The following RALA variants were observed in gnomAD, a reference collection of about 807,000 sequenced individuals.
RALA encodes the protein RAS like proto-oncogene A.
Under a neutral mutation model 24.0 loss-of-function variants are expected in RALA, and 5 were observed. That is an observed-to-expected ratio of 0.21 (90% CI 0.11 to 0.44). The LOEUF is 0.44. Among genes scored for constraint, RALA ranks in the 20% least tolerant of loss-of-function variants. RALA has a pLI of 0.99. For synonymous variants in RALA, 77 were observed against 83.8 expected, an observed-to-expected ratio of 0.92 and a Z score of 0.44; for missense variants, 95 against 241.2, an observed-to-expected ratio of 0.39 and a Z score of 4.01.
At chr7:39,697,125 C>T (rs1792935153) in intron 4 of RALA, among the ~76,000 whole-genome samples, 1 of 151,958 alleles carries the variant, frequency 6.6e-6, no homozygotes, top group South Asian at 2.1e-4. Flanking sequence ...GACTTTTTTC[C>T]CCCCTTATCC....
rs1793142713 is a variant in RALA, at chr7:39,707,627, G to GGGCTA, written c.*1385_*1389dup. The GGGCTA allele has an allele frequency of 1.3e-5, 2 of 152,298 alleles. No individual in the cohort carries two copies. The highest frequency in any genetic ancestry group is 4.2e-4 in the South Asian group (2 of 4,816). 9.4% of individuals were successfully genotyped at this position (152,298 alleles called of 1,614,324 possible). On this transcript the variant is annotated 3_prime_UTR_variant, in exon 5 of 5. Transcript: ENST00000005257. The stretch of plus-strand genomic sequence containing the variant: ...TTTTTTTTTTTTCCTCTTTGCAGTG[G>GGGCTA]GGCTAGGACAGTTGATTCAACAAAG...
intron 1 of RALA, among the ~76,000 whole-genome samples, chr7:39,676,297 G>A (rs773624456): frequency 6.6e-6 from 1 of 152,256 alleles, no homozygotes; most frequent in Admixed American, 6.5e-5. Context: ...TTAATGCACC[G>A]TTCAGATCAG....
At chr7:39,704,176 AAAG>A (rs1793076186) in intron 4 of RALA, among the ~76,000 whole-genome samples, 1 of 144,296 alleles carries the variant, frequency 6.9e-6, no homozygotes, top group Non-Finnish European at 1.6e-5. Context: ...AAAAAAAAAA[AAAG>A]AAGTTTAAGA....
At chr7:39,629,683 C>T (rs1391023191) in intron 1 of RALA, among the ~76,000 whole-genome samples, 2 of 152,162 alleles carry the variant, frequency 1.3e-5, no homozygotes, top group Non-Finnish European at 2.9e-5. Context: ...GCAACCTCTG[C>T]CTCCTAGGTT....
At chr7:39,696,909 C>G in intron 4 of RALA, 50 bp downstream of exon 4, 4 of 1,516,038 alleles carry the variant, frequency 2.6e-6, no homozygotes, top group Non-Finnish European at 3.6e-6. Context: ...GGTTGGTTTG[C>G]TTTAACTTGG....
intron 1 of RALA, among the ~76,000 whole-genome samples, chr7:39,628,034 G>T (rs796980285): frequency 7.5e-5 from 11 of 147,132 alleles, no homozygotes; most frequent in African/African-American, 2.3e-4. Flanking sequence ...ATGATCTTTT[G>T]TTCTACCAAT....
At chr7:39,696,632 T>G in intron 3 of RALA, 53 bp from the exon 4 acceptor site, 4 of 1,431,652 alleles carry the variant, frequency 2.8e-6, no homozygotes, top group Non-Finnish European at 3.8e-6. Flanking sequence ...AACAAGAACT[T>G]TCTGTGCTAT....
intron 4 of RALA, chr7:39,697,513 A>T: frequency 2.2e-6 from 1 of 454,222 alleles, no homozygotes; most frequent in Non-Finnish European, 4.4e-6. Context: ...GGGCTGAGGT[A>T]GCACAGAATC....
In RALA at chr7:39,666,834, T is replaced by C. The variant is rs527996343; in HGVS notation, c.-37-19797T>C. On this transcript the variant is annotated intron_variant, in intron 1 of 4. Coordinates refer to ENST00000005257, the MANE Select transcript of RALA (RefSeq NM_005402.4). ...AATCTTTGTTGCTATAGAGTCAGTC[T>C]TTAGCTTTACATTCCTGGTTTGTAA... 5.6e-4 allele frequency among the ~76,000 whole-genome samples: 85 copies of C among 152,356 alleles called. 1 individual carries two copies. The highest frequency in any genetic ancestry group is 2.0e-3 in the African/African-American group (83 of 41,582).
intron 3 of RALA, among the ~76,000 whole-genome samples, chr7:39,692,057 TA>T (rs1792826708): frequency 6.6e-6 from 1 of 152,174 alleles, no homozygotes; most frequent in African/African-American, 2.4e-5. Context: ...CTGCCATAAA[TA>T]AAAATGACCC....
At chr7:39,664,254 C>G (rs1415667577) in intron 1 of RALA, among the ~76,000 whole-genome samples, 1 of 152,130 alleles carries the variant, frequency 6.6e-6, no homozygotes, top group Admixed American at 6.6e-5. Context: ...CTGCTAATCC[C>G]CAAGTCTTGA....
At chr7:39,688,897 C>T (rs1792759332) in intron 2 of RALA, among the ~76,000 whole-genome samples, 1 of 152,142 alleles carries the variant, frequency 6.6e-6, no homozygotes, top group Non-Finnish European at 1.5e-5. Context: ...CTTCAGGAGA[C>T]CTGCAATTGT....
chr7:39,697,099 C>G (rs1792934367), intron 4 of RALA, among the ~76,000 whole-genome samples: 1 of 152,112 alleles, frequency 6.6e-6, no homozygotes, highest in South Asian at 2.1e-4. Context: ...CTTTTTAAAG[C>G]ACTGATGGCA....
At chr7:39,701,692 C>T (rs1318195170) in intron 4 of RALA, among the ~76,000 whole-genome samples, 1 of 152,204 alleles carries the variant, frequency 6.6e-6, no homozygotes, top group Admixed American at 6.5e-5. Flanking sequence ...ATCATTGGCT[C>T]ATGCGTTATC....
chr7:39,690,285 T>G, intron 2 of RALA, 97 bp from the exon 3 acceptor site: 1 of 991,108 alleles, frequency 1.0e-6, no homozygotes, highest in Non-Finnish European at 1.5e-6. Context: ...GAACTCTTCT[T>G]GTACTATTTT....
chr7:39,659,939 A>T (rs942054468), intron 1 of RALA, among the ~76,000 whole-genome samples: 1 of 152,170 alleles, frequency 6.6e-6, no homozygotes, highest in African/African-American at 2.4e-5. Flanking sequence ...TAATAAAAGG[A>T]ACATGCTCTC....
intron 1 of RALA, among the ~76,000 whole-genome samples, chr7:39,640,652 T>G (rs1464201489): frequency 2.6e-5 from 4 of 152,216 alleles, no homozygotes; most frequent in African/African-American, 9.7e-5. Context: ...CATGAGACTT[T>G]CTTGGAGGCT....
rs184725361 is a variant in RALA at position 39,689,171 on chromosome 7, A to C, written c.115-1211A>C. ...TTGGGTGGGGACACAGAGCCAAACC[A>C]TATCACGGGGTTTTGCCATGTGTCC... On this transcript the variant is annotated intron_variant, in intron 2 of 4. Transcript: ENST00000005257. 1.1e-4 allele frequency among the ~76,000 whole-genome samples: 16 copies of C among 152,206 alleles called. No homozygotes were observed. In the East Asian group the frequency reaches 2.5e-3, roughly 24 times the overall value.
chr7:39,696,627 G>T (rs1307289188), intron 3 of RALA, 58 bp from the exon 4 acceptor site: 8 of 1,404,382 alleles, frequency 5.7e-6, no homozygotes, highest in Admixed American at 2.3e-5. Flanking sequence ...GGGCAAACAA[G>T]AACTTTCTGT....
Sources: gnomAD v4.1 joint callset for allele counts (sites outside exome capture counted in the v4.1 genomes callset) on GRCh38, gnomAD v4.1.1 for gene constraint, MANE v1.5 for transcripts, NCBI Gene and HGNC (gene_info 2026-07-23, HGNC 2026-07-21) for gene names.